The following CPNE8 variants were observed in gnomAD, a reference collection of about 807,000 sequenced individuals.
CPNE8 encodes copine 8, also known as copine-8.
Under a neutral mutation model 81.5 loss-of-function variants are expected in CPNE8, and 45 were observed. That is an observed-to-expected ratio of 0.55 (90% CI 0.44 to 0.71). The LOEUF (loss-of-function observed/expected upper bound fraction) is 0.71, where lower values mean the gene tolerates loss of function less well. Among genes scored for constraint, CPNE8 ranks in the 30% least tolerant of loss-of-function variants. The pLI is 0.00. For synonymous variants in CPNE8, 252 were observed against 226.3 expected, an observed-to-expected ratio of 1.11 and a Z score of -1.02; for missense variants, 594 against 672.1, an observed-to-expected ratio of 0.88 and a Z score of 1.28.
intron 17 of CPNE8, among the ~76,000 whole-genome samples, chr12:38,676,960 T>A (rs1047811349): frequency 6.7e-6 from 1 of 150,176 alleles, no homozygotes; most frequent in Non-Finnish European, 1.5e-5. Context: ...CTAGTAAACA[T>A]AGATTTTATA....
At chr12:38,695,450 T>A (rs1483555340) in intron 14 of CPNE8, among the ~76,000 whole-genome samples, 2 of 152,160 alleles carry the variant, frequency 1.3e-5, no homozygotes, top group African/African-American at 4.8e-5. Context: ...TCCAACCTTT[T>A]GTTTTGGAGT....
At chr12:38,852,598 A>C (rs1943664231) in intron 3 of CPNE8, among the ~76,000 whole-genome samples, 1 of 152,092 alleles carries the variant, frequency 6.6e-6, no homozygotes, top group African/African-American at 2.4e-5. Flanking sequence ...GTGAAACTCC[A>C]TCTCAAAAAA....
At chr12:38,861,483 A>T (rs1262574156) in intron 3 of CPNE8, among the ~76,000 whole-genome samples, 1 of 152,134 alleles carries the variant, frequency 6.6e-6, no homozygotes, top group Non-Finnish European at 1.5e-5. Context: ...AGAAAACATG[A>T]CCTACACAGA....
intron 16 of CPNE8, among the ~76,000 whole-genome samples, chr12:38,681,680 C>T (rs1422322113): frequency 2.0e-5 from 3 of 152,210 alleles, no homozygotes; most frequent in South Asian, 2.1e-4. Context: ...GGAATACTCA[C>T]GTAAGGCTGC....
At chr12:38,861,388 G>C (rs558620073) in intron 3 of CPNE8, among the ~76,000 whole-genome samples, 1 of 151,756 alleles carries the variant, frequency 6.6e-6, no homozygotes, top group Non-Finnish European at 1.5e-5. Flanking sequence ...AAAAAATAAA[G>C]AAAAATCAAA....
At chr12:38,670,702 TA>T in intron 19 of CPNE8, 26 bp downstream of exon 19, 1 of 1,505,434 alleles carries the variant, frequency 6.6e-7, no homozygotes, top group Non-Finnish European at 9.1e-7. Context: ...CTAGCAATAG[TA>T]AAGTAGGAAA....
At chr12:38,679,645 T>C in intron 16 of CPNE8, 1 of 985,028 alleles carries the variant, frequency 1.0e-6, no homozygotes, top group South Asian at 4.7e-5. Flanking sequence ...AATTAATCTT[T>C]TAAAACCAGT....
At chr12:38,805,429 C>T (rs1269332028) in intron 6 of CPNE8, among the ~76,000 whole-genome samples, 1 of 67,994 alleles carries the variant, frequency 1.5e-5, no homozygotes, top group African/African-American at 5.4e-5. Flanking sequence ...CCAAACACCG[C>T]ATATTCTCAC....
chr12:38,701,554 C>T (rs1939947939), intron 14 of CPNE8, among the ~76,000 whole-genome samples: 1 of 152,052 alleles, frequency 6.6e-6, no homozygotes, highest in South Asian at 2.1e-4. Context: ...AGTACAGTGG[C>T]ACAATCTTGG....
chr12:38,796,602 C>T (rs1942480553), intron 6 of CPNE8, among the ~76,000 whole-genome samples: 1 of 152,172 alleles, frequency 6.6e-6, no homozygotes, highest in Admixed American at 6.5e-5. Context: ...CGGTCTACAG[C>T]TCCCAGCGTG....
At chr12:38,757,899 C>T (rs914853815) in intron 10 of CPNE8, among the ~76,000 whole-genome samples, 6 of 151,852 alleles carry the variant, frequency 4.0e-5, no homozygotes, top group Non-Finnish European at 8.8e-5. Flanking sequence ...CTTTAACTCC[C>T]TAGACTTCTT....
chr12:38,729,285 T>A (rs1421464893), intron 11 of CPNE8, among the ~76,000 whole-genome samples: 1 of 152,066 alleles, frequency 6.6e-6, no homozygotes, highest in African/African-American at 2.4e-5. Context: ...AAGACCCAGC[T>A]AAACTAATGC....
chr12:38,810,402 G>C (rs1230056324), intron 6 of CPNE8, among the ~76,000 whole-genome samples: 1 of 152,116 alleles, frequency 6.6e-6, no homozygotes, highest in Admixed American at 6.6e-5. Flanking sequence ...GTTTTAGCAG[G>C]AGTATCAGAG....
At chr12:38,801,039 C>G (rs1192385517) in intron 6 of CPNE8, among the ~76,000 whole-genome samples, 1 of 149,518 alleles carries the variant, frequency 6.7e-6, no homozygotes, top group Admixed American at 6.7e-5. Context: ...GATTGGTGTA[C>G]CTGAAAGTGA....
At position 38,705,092 on chromosome 12, in the gene CPNE8, C is replaced by T. The variant is rs528750344; in HGVS notation, c.915-2171G>A. Among the ~76,000 whole-genome samples the T allele has an allele frequency of 3.3e-5, 5 of 151,554 alleles. No individual in the cohort carries two copies. The South Asian group carries it at 1.0e-3, about 32-fold the overall frequency. On this transcript the variant is annotated intron_variant, in intron 13 of 19. Coordinates refer to ENST00000331366, the MANE Select transcript of CPNE8 (RefSeq NM_153634.3). Reference sequence around the variant, plus strand: ...TAAATACTGTAATAACCTGGAATCACATCTAATCTACAAAATAATTTTTAA... The same window carrying T: ...TAAATACTGTAATAACCTGGAATCATATCTAATCTACAAAATAATTTTTAA...
rs576942377 is a variant in CPNE8 at position 38,726,277 on chromosome 12, A to AC, written c.799-1379_799-1378insG. The AC allele has an allele frequency of 8.5e-5, 13 of 152,164 alleles. No individual in the cohort carries two copies. The South Asian group carries it at 2.1e-3, about 24-fold the overall frequency. The allele number at this position is 152,164 out of a possible 1,614,324, so 9.4% of individuals were successfully genotyped here. A position where few individuals can be genotyped will look rare whatever the true frequency, so the allele number is the denominator to read the frequency against. On this transcript the variant is annotated intron_variant, in intron 11 of 19. Coordinates refer to ENST00000331366, the MANE Select transcript of CPNE8 (RefSeq NM_153634.3). ...TTAAAAACGGCTCACCAAAAAAAAA[A>AC]ACAAAACTTTAAGACAACAGAATAA...
intron 3 of CPNE8, among the ~76,000 whole-genome samples, chr12:38,858,100 T>C (rs1467060770): frequency 6.6e-6 from 1 of 152,222 alleles, no homozygotes; most frequent in Non-Finnish European, 1.5e-5. Flanking sequence ...GAGCCATCTT[T>C]ATATAATGTA....
At chr12:38,706,845 G>A (rs1190651228) in intron 13 of CPNE8, among the ~76,000 whole-genome samples, 1 of 152,038 alleles carries the variant, frequency 6.6e-6, no homozygotes, top group Non-Finnish European at 1.5e-5. Context: ...TGTTCTCCAG[G>A]GTAGCCCAGA....
At chr12:38,766,208 A>T (rs1012923048) in intron 8 of CPNE8, among the ~76,000 whole-genome samples, 3 of 152,204 alleles carry the variant, frequency 2.0e-5, no homozygotes, top group African/African-American at 7.2e-5. Flanking sequence ...AAGTATCACC[A>T]GGAGCATTAG....
Sources: allele counts gnomAD v4.1 joint callset (sites outside exome capture counted in the v4.1 genomes callset), GRCh38; gene constraint gnomAD v4.1.1; transcripts MANE v1.5; gene names NCBI Gene and HGNC (gene_info 2026-07-23, HGNC 2026-07-21).